Variants in ST6GAL2 observed in about 807,000 individuals in gnomAD.
The protein encoded by ST6GAL2 is beta-galactoside alpha-2,6-sialyltransferase 2.
ST6GAL2 carries 24 observed loss-of-function variants against 37.5 expected under a neutral mutation model. The observed-to-expected ratio is 0.64, with a 90% CI of 0.46 to 0.90. The LOEUF is 0.90. ST6GAL2 is among the 40% of genes least tolerant of loss of function. ST6GAL2 has a pLI of 0.00. For synonymous variants in ST6GAL2, 306 were observed against 295.1 expected, an observed-to-expected ratio of 1.04 and a Z score of -0.38; for missense variants, 715 against 712.7, an observed-to-expected ratio of 1.00 and a Z score of -0.04.
intron 1 of ST6GAL2, among the ~76,000 whole-genome samples, chr2:106,877,413 C>T (rs75451965): frequency 0.029 from 4,376 of 150,708 alleles, 195 homozygotes; most frequent in African/African-American, 0.098. Context: ...CTGCGAGCTC[C>T]ACACCTTCGT....
intron 2 of ST6GAL2, chr2:106,841,205 T>C (rs1676868384): frequency 6.6e-6 from 1 of 152,234 alleles, no homozygotes; most frequent in Non-Finnish European, 1.5e-5. Context: ...AGCTGAGATC[T>C]GGGCTTCTGA....
At chr2:106,813,265 T>C in intron 5 of ST6GAL2, 1 of 1,284,274 alleles carries the variant, frequency 7.8e-7, no homozygotes, top group South Asian at 2.7e-5. Flanking sequence ...GTATTAGTAT[T>C]TTCTAGGCAA....
At chr2:106,872,167 C>T (rs1428059928) in intron 1 of ST6GAL2, among the ~76,000 whole-genome samples, 1 of 152,322 alleles carries the variant, frequency 6.6e-6, no homozygotes, top group East Asian at 1.9e-4. Flanking sequence ...TGTTATATGT[C>T]GTCTGTCACT....
chr2:106,855,249 C>T (rs904695501), intron 1 of ST6GAL2, among the ~76,000 whole-genome samples: 1 of 152,198 alleles, frequency 6.6e-6, no homozygotes, highest in Non-Finnish European at 1.5e-5. Context: ...CTCACAAGAA[C>T]CCAGGGAAGA....
intron 1 of ST6GAL2, among the ~76,000 whole-genome samples, chr2:106,859,308 GA>G (rs1055167906): frequency 2.0e-5 from 3 of 152,104 alleles, no homozygotes; most frequent in Non-Finnish European, 4.4e-5. Context: ...GAAGTGGATG[GA>G]AAATACACAT....
At chr2:106,860,793 C>T (rs1231832938) in intron 1 of ST6GAL2, among the ~76,000 whole-genome samples, 1 of 152,142 alleles carries the variant, frequency 6.6e-6, no homozygotes, top group Non-Finnish European at 1.5e-5. Context: ...CACTAAAGGC[C>T]TTCCCTCACA....
chr2:106,855,964 C>T (rs1677557169), intron 1 of ST6GAL2, among the ~76,000 whole-genome samples: 1 of 152,162 alleles, frequency 6.6e-6, no homozygotes, highest in African/African-American at 2.4e-5. Flanking sequence ...TTTATGAAAG[C>T]TTCACAGAGT....
At chr2:106,884,936 C>T (rs55773234) in intron 1 of ST6GAL2, among the ~76,000 whole-genome samples, 53,921 of 94,466 alleles carry the variant, frequency 0.57, 13,132 homozygotes, top group Non-Finnish European at 0.62. Context: ...TATATATATA[C>T]ATACACACAC....
chr2:106,830,735 G>A (rs186551520), intron 4 of ST6GAL2, among the ~76,000 whole-genome samples: 85 of 152,282 alleles, frequency 5.6e-4, no homozygotes, highest in Middle Eastern at 3.4e-3. Flanking sequence ...TCAAATATGA[G>A]TTTTCCAAAT....
At chr2:106,875,566 A>C (rs756425769) in intron 1 of ST6GAL2, among the ~76,000 whole-genome samples, 9 of 152,240 alleles carry the variant, frequency 5.9e-5, no homozygotes. Context: ...CTCCAAGTAC[A>C]GACCAGCAAC....
chr2:106,862,268 G>T (rs1171126960), intron 1 of ST6GAL2, among the ~76,000 whole-genome samples: 1 of 152,182 alleles, frequency 6.6e-6, no homozygotes, highest in Non-Finnish European at 1.5e-5. Flanking sequence ...CTCTTGGCAA[G>T]ATTTAAATAA....
chr2:106,865,544 C>T (rs1398411985), intron 1 of ST6GAL2, among the ~76,000 whole-genome samples: 5 of 152,342 alleles, frequency 3.3e-5, no homozygotes, highest in East Asian at 1.9e-4. Context: ...GTAACAGTAA[C>T]AGGTAGTAAG....
At position 106,860,922 on chromosome 2, in the gene ST6GAL2, G is replaced by T. The variant is rs542378326; in HGVS notation, c.-57-16888C>A. On this transcript the variant is annotated intron_variant, in intron 1 of 5. Transcript: ENST00000409382. ...AGAGAAAAGTGAAAACAGTAACATA[G>T]TTATACCCTCCCTGCTTTGATTGAC... Among the ~76,000 whole-genome samples, 6 of 152,258 alleles carry T rather than the reference G, an allele frequency of 3.9e-5. No individual in the cohort carries two copies. The East Asian group carries it at 1.2e-3, about 29-fold the overall frequency.
chr2:106,871,770 C>T (rs1011001062), intron 1 of ST6GAL2, among the ~76,000 whole-genome samples: 1 of 152,176 alleles, frequency 6.6e-6, no homozygotes, highest in African/African-American at 2.4e-5. Flanking sequence ...CATGGAACTG[C>T]CATCACCTAT....
Position 106,815,517 on chromosome 2 carries a change from C to G in ST6GAL2, c.1319-8568G>C, listed in dbSNP as rs375093877. Among the ~76,000 whole-genome samples the G allele has an allele frequency of 1.2e-4, 18 of 152,248 alleles. No individual in the cohort carries two copies. In the South Asian group the frequency reaches 3.3e-3, roughly 28 times the overall value. ...AAGGAAAACAAAAGTCTATTTTCAC[C>G]TTGATTATAGGTCTTAATGAAAGAA... is the stretch of plus-strand genomic sequence containing the variant. On this transcript the variant is annotated intron_variant, in intron 5 of 5. Coordinates refer to ENST00000409382, the MANE Select transcript of ST6GAL2 (RefSeq NM_001142351.2).
intron 1 of ST6GAL2, among the ~76,000 whole-genome samples, chr2:106,881,837 G>A (rs537141201): frequency 1.3e-5 from 2 of 152,138 alleles, no homozygotes; most frequent in East Asian, 3.8e-4. Context: ...TCAAGATATT[G>A]CAGAGTTTTT....
At position 106,802,833 on chromosome 2, in the gene ST6GAL2, T is replaced by C. The variant is rs1675303365; in HGVS notation, c.*3845A>G. ...TCCCCTGGTCCCACCTCACTCCCTT[T>C]CTCTGTCTCTTACCACAGCTAAGCA... On this transcript the variant is annotated 3_prime_UTR_variant, in exon 6 of 6. Coordinates refer to ENST00000409382, the MANE Select transcript of ST6GAL2 (RefSeq NM_001142351.2). 1 of 152,208 alleles carries C rather than the reference T, an allele frequency of 6.6e-6. No individual in the cohort carries two copies. Among genetic ancestry groups the C allele is most frequent in the Non-Finnish European group, 1.5e-5 (1 of 68,054 alleles). 9.4% of individuals were successfully genotyped at this position (152,208 alleles called of 1,614,324 possible). A position where few individuals can be genotyped will look rare whatever the true frequency, so the allele number is the denominator to read the frequency against.
chr2:106,829,658 A>C (rs1676337211), intron 5 of ST6GAL2, among the ~76,000 whole-genome samples: 1 of 152,190 alleles, frequency 6.6e-6, no homozygotes, highest in South Asian at 2.1e-4. Context: ...TACACCTTGG[A>C]ATTTCAGAGT....
intron 1 of ST6GAL2, among the ~76,000 whole-genome samples, chr2:106,873,440 T>G (rs865980596): frequency 1.3e-5 from 2 of 152,236 alleles, no homozygotes; most frequent in Non-Finnish European, 2.9e-5. Context: ...AAAACACTGC[T>G]GAGCCCATTC....
Sources: gnomAD v4.1 joint callset for allele counts (sites outside exome capture counted in the v4.1 genomes callset) on GRCh38, gnomAD v4.1.1 for gene constraint, MANE v1.5 for transcripts, NCBI Gene and HGNC (gene_info 2026-07-23, HGNC 2026-07-21) for gene names.